The following MAPK4 variants were observed in gnomAD, a reference collection of about 807,000 sequenced individuals.
MAPK4 encodes Erk3-related.
MAPK4 carries 22 observed loss-of-function variants against 47.7 expected under a neutral mutation model. The ratio of observed to expected loss-of-function variants is 0.46; its 90% CI spans 0.33 to 0.66. The LOEUF (loss-of-function observed/expected upper bound fraction) is 0.66. MAPK4 is among the 30% of genes least tolerant of loss of function. The pLI is 0.02. For missense variants in MAPK4, 736 were observed against 831.7 expected (o/e 0.88, Z 1.42); for synonymous variants, 390 against 365.7 (o/e 1.07, Z -0.76).
At chr18:50,594,831 A>C (rs2042468249) in intron 1 of MAPK4, among the ~76,000 whole-genome samples, 2 of 152,228 alleles carry the variant, frequency 1.3e-5, no homozygotes, top group African/African-American at 4.8e-5. Context: ...AATACATAAA[A>C]ATCAGGCCTT....
intron 2 of MAPK4, among the ~76,000 whole-genome samples, chr18:50,674,273 A>T (rs1598896257): frequency 6.6e-6 from 1 of 152,222 alleles, no homozygotes; most frequent in African/African-American, 2.4e-5. Context: ...TATATCGAAG[A>T]AGGATAATTA....
At chr18:50,665,336 G>A (rs914283462) in intron 2 of MAPK4, among the ~76,000 whole-genome samples, 2 of 152,212 alleles carry the variant, frequency 1.3e-5, no homozygotes, top group Non-Finnish European at 1.5e-5. Flanking sequence ...CTTTAGGGGT[G>A]CCTCTGAGCC....
intron 3 of MAPK4, among the ~76,000 whole-genome samples, chr18:50,717,734 G>A (rs867845860): frequency 3.3e-5 from 5 of 152,194 alleles, no homozygotes; most frequent in Admixed American, 6.5e-5. Context: ...GTGGCCCCAC[G>A]GGGAGCCGAC....
chr18:50,721,776 C>T (rs1910946266), intron 3 of MAPK4, among the ~76,000 whole-genome samples, 162 bp from the exon 4 acceptor site: 1 of 152,206 alleles, frequency 6.6e-6, no homozygotes, highest in Middle Eastern at 3.2e-3. Context: ...CAGCCACCTG[C>T]CCACAGTTGA....
At chr18:50,728,446 C>G (rs367984421) in intron 5 of MAPK4, among the ~76,000 whole-genome samples, 38 of 152,286 alleles carry the variant, frequency 2.5e-4, no homozygotes, top group Middle Eastern at 6.8e-3. Flanking sequence ...TATGGGGCCC[C>G]CAAGCAGATC....
intron 1 of MAPK4, among the ~76,000 whole-genome samples, chr18:50,575,956 C>T (rs1439153921): frequency 1.3e-5 from 2 of 152,144 alleles, no homozygotes; most frequent in African/African-American, 4.8e-5. Flanking sequence ...CCACCTCACA[C>T]CAGTCAGAAT....
At chr18:50,717,951 T>G (rs1185959167) in intron 3 of MAPK4, among the ~76,000 whole-genome samples, 1 of 152,102 alleles carries the variant, frequency 6.6e-6, no homozygotes, top group Non-Finnish European at 1.5e-5. Context: ...GGAGAGGGAT[T>G]GCTGTGGGAC....
chr18:50,642,393 C>CT (rs1225395638), intron 1 of MAPK4, among the ~76,000 whole-genome samples: 2 of 152,208 alleles, frequency 1.3e-5, no homozygotes, highest in African/African-American at 4.8e-5. Flanking sequence ...AATTAAATTA[C>CT]TAAGTATGCT....
intron 1 of MAPK4, among the ~76,000 whole-genome samples, chr18:50,624,434 C>A (rs990427317): frequency 6.6e-6 from 1 of 151,288 alleles, no homozygotes; most frequent in Admixed American, 6.6e-5. Flanking sequence ...CTGTATATGG[C>A]GATGCTGTGG....
intron 2 of MAPK4, among the ~76,000 whole-genome samples, chr18:50,688,176 A>G (rs60854381): frequency 0.027 from 4,136 of 152,266 alleles, 97 homozygotes; most frequent in African/African-American, 0.06. Context: ...GCTTACAGAA[A>G]TGAAATGGAG....
At chr18:50,573,178 G>A (rs2042264814) in intron 1 of MAPK4, among the ~76,000 whole-genome samples, 1 of 152,200 alleles carries the variant, frequency 6.6e-6, no homozygotes, top group South Asian at 2.1e-4. Context: ...TATTTAATAA[G>A]TAAATAAGGA....
intron 1 of MAPK4, among the ~76,000 whole-genome samples, chr18:50,568,057 G>A (rs994145818): frequency 6.6e-5 from 10 of 151,860 alleles, no homozygotes; most frequent in South Asian, 4.2e-4. Flanking sequence ...TTAGCGGGGC[G>A]TGGTGGCGGA....
At chr18:50,655,543 C>T (rs2043100103) in intron 1 of MAPK4, among the ~76,000 whole-genome samples, 1 of 152,174 alleles carries the variant, frequency 6.6e-6, no homozygotes, top group African/African-American at 2.4e-5. Context: ...CGAACCACTG[C>T]AGCCTGCACT....
chr18:50,650,638 C>G (rs966237510), intron 1 of MAPK4, among the ~76,000 whole-genome samples: 1 of 152,160 alleles, frequency 6.6e-6, no homozygotes, highest in African/African-American at 2.4e-5. Flanking sequence ...AAGTGCTGTA[C>G]TAGGCACCAG....
rs567807209 is a variant in MAPK4, at chr18:50,657,055, G to A, written c.-870-6034G>A. On this transcript the variant is annotated intron_variant, in intron 1 of 5. Coordinates refer to ENST00000400384, the MANE Select transcript of MAPK4 (RefSeq NM_002747.4). ...CCACACTCCTCTGCCACCTCCCCAC[G>A]TGGCCTCAAGACAGCTGCTGCAGCA... 3.3e-5 allele frequency among the ~76,000 whole-genome samples: 5 copies of A among 152,256 alleles called. No homozygotes were observed. In the South Asian group the frequency reaches 1.0e-3, roughly 32 times the overall value.
intron 4 of MAPK4, among the ~76,000 whole-genome samples, 197 bp downstream of exon 4, chr18:50,722,296 G>C (rs749934096): frequency 1.3e-5 from 2 of 152,236 alleles, no homozygotes; most frequent in Non-Finnish European, 2.9e-5. Context: ...GAGTCCATTA[G>C]GGGCAGTCAT....
chr18:50,591,046 A>T (rs765652452), intron 1 of MAPK4, among the ~76,000 whole-genome samples: 6 of 152,200 alleles, frequency 3.9e-5, no homozygotes, highest in Non-Finnish European at 8.8e-5. Flanking sequence ...TTTAAACGTG[A>T]TAATGCTTAT....
chr18:50,593,244 C>G (rs549140050), intron 1 of MAPK4, among the ~76,000 whole-genome samples: 2 of 152,316 alleles, frequency 1.3e-5, no homozygotes, highest in East Asian at 3.9e-4. Context: ...AATTTCTACC[C>G]TAGAGTTTTT....
intron 3 of MAPK4, among the ~76,000 whole-genome samples, chr18:50,720,172 T>G (rs1455093683): frequency 6.6e-6 from 1 of 152,172 alleles, no homozygotes; most frequent in Admixed American, 6.5e-5. Flanking sequence ...CTCCCCCAAG[T>G]GACGTCTGTC....
Sources: gnomAD v4.1 joint callset for allele counts (sites outside exome capture counted in the v4.1 genomes callset) on GRCh38, gnomAD v4.1.1 for gene constraint, MANE v1.5 for transcripts, NCBI Gene and HGNC (gene_info 2026-07-23, HGNC 2026-07-21) for gene names.